Variants in SSX2IP observed in about 807,000 individuals in gnomAD.
SSX2IP encodes the protein SSX family member 2 interacting protein.
In SSX2IP, 55 loss-of-function variants were observed where a neutral mutation model predicts 84.9. The observed-to-expected ratio is 0.65, with a 90% CI of 0.52 to 0.81. SSX2IP has a LOEUF of 0.81. Among genes scored for constraint, SSX2IP ranks in the 30% least tolerant of loss-of-function variants. The probability of loss-of-function intolerance (pLI) is 0.00; values close to 1 mark genes in which losing one functional copy is unlikely to be tolerated. For synonymous variants in SSX2IP, 239 were observed against 234.7 expected, an observed-to-expected ratio of 1.02 and a Z score of -0.17; for missense variants, 664 against 705.2, an observed-to-expected ratio of 0.94 and a Z score of 0.66.
chr1:84,675,127 C>A (rs1324217732), intron 1 of SSX2IP, among the ~76,000 whole-genome samples: 1 of 152,060 alleles, frequency 6.6e-6, no homozygotes, highest in African/African-American at 2.4e-5. Context: ...CATCACAAGC[C>A]CATTTCAATT....
Position 84,655,028 on chromosome 1 carries a change from A to G in SSX2IP, c.1389+804T>C, listed in dbSNP as rs1007815779. Among the ~76,000 whole-genome samples the G allele has an allele frequency of 3.9e-5, 6 of 152,238 alleles. No individual in the cohort carries two copies. In the East Asian group the frequency reaches 1.2e-3, roughly 29 times the overall value. On this transcript the variant is annotated intron_variant, in intron 11 of 13. Coordinates refer to ENST00000342203, the MANE Select transcript of SSX2IP (RefSeq NM_001166293.2). Reference sequence around the variant, plus strand: ...TCCTTAAAGCAAAAAAAAGGCAAGCAGACGAACAAGAGGAACAATATTATG... The same window carrying G: ...TCCTTAAAGCAAAAAAAAGGCAAGCGGACGAACAAGAGGAACAATATTATG...
intron 1 of SSX2IP, among the ~76,000 whole-genome samples, chr1:84,688,880 GA>G (rs1410759639): frequency 4.6e-5 from 7 of 152,190 alleles, no homozygotes; most frequent in Non-Finnish European, 8.8e-5. Context: ...AGAAGGGAAG[GA>G]AGAGTACAAA....
intron 1 of SSX2IP, among the ~76,000 whole-genome samples, chr1:84,682,692 T>C (rs1020119127): frequency 2.6e-5 from 4 of 151,912 alleles, no homozygotes; most frequent in Non-Finnish European, 4.4e-5. Context: ...TTAGTAGAGA[T>C]GGGGTTTCAC....
intron 1 of SSX2IP, among the ~76,000 whole-genome samples, chr1:84,686,956 A>G (rs1187167284): frequency 6.6e-6 from 1 of 152,168 alleles, no homozygotes. Flanking sequence ...TAGAGGCTTT[A>G]TTAGACGCTC....
intron 1 of SSX2IP, among the ~76,000 whole-genome samples, chr1:84,688,657 A>G (rs1656135922): frequency 6.6e-6 from 1 of 152,200 alleles, no homozygotes; most frequent in Non-Finnish European, 1.5e-5. Context: ...TTTAGCAAAC[A>G]ATTTCAGCGT....
intron 8 of SSX2IP, among the ~76,000 whole-genome samples, chr1:84,659,014 A>T (rs574636578): frequency 5.9e-5 from 9 of 152,312 alleles, no homozygotes; most frequent in Admixed American, 1.3e-4. Flanking sequence ...AATCATAAAG[A>T]AGTAGCAAAC....
intron 3 of SSX2IP, 198 bp from the exon 4 acceptor site, chr1:84,670,091 T>C: frequency 2.0e-6 from 1 of 497,850 alleles, no homozygotes; most frequent in Non-Finnish European, 3.6e-6. Context: ...GATATAAGTA[T>C]GGGAGGTATG....
At chr1:84,665,307 A>T (rs1415831757) in intron 5 of SSX2IP, among the ~76,000 whole-genome samples, 4 of 152,190 alleles carry the variant, frequency 2.6e-5, no homozygotes, top group Non-Finnish European at 4.4e-5. Context: ...TACAGTTTAA[A>T]TACTAATTAC....
intron 4 of SSX2IP, 62 bp from the exon 5 acceptor site, chr1:84,666,294 T>C (rs1652767810): frequency 7.9e-7 from 1 of 1,272,950 alleles, no homozygotes; most frequent in East Asian, 2.3e-5. Flanking sequence ...ACTGAATCCT[T>C]AAAATATCAG....
In SSX2IP at chr1:84,644,144, GCAAA is replaced by G. The variant is rs1007853769; in HGVS notation, c.*3285_*3288del. 1 of 152,082 alleles carries G rather than the reference GCAAA, an allele frequency of 6.6e-6. No individual in the cohort carries two copies. The highest frequency in any genetic ancestry group is 1.5e-5 in the Non-Finnish European group (1 of 68,026). The allele number at this position is 152,082 out of a possible 1,614,324, so 9.4% of individuals were successfully genotyped here. A position where few individuals can be genotyped will look rare whatever the true frequency, so the allele number is the denominator to read the frequency against. On this transcript the variant is annotated 3_prime_UTR_variant, in exon 14 of 14. Transcript: ENST00000342203. The stretch of plus-strand genomic sequence containing the variant: ...TTTTGATTGTAGAAAACAAAATCTA[GCAAA>G]CAATCATCTGTTACATAGTACTTCA...
chr1:84,686,319 T>G (rs1655783206), intron 1 of SSX2IP, among the ~76,000 whole-genome samples: 1 of 152,164 alleles, frequency 6.6e-6, no homozygotes, highest in South Asian at 2.1e-4. Flanking sequence ...CTGAGGATAG[T>G]GAAGAACAGG....
chr1:84,651,247 C>T (rs547571434), intron 12 of SSX2IP, among the ~76,000 whole-genome samples: 82 of 151,734 alleles, frequency 5.4e-4, no homozygotes, highest in Non-Finnish European at 9.4e-4. Flanking sequence ...GAGCCCAGGA[C>T]GCTGAGGCTG....
At position 84,660,500 on chromosome 1, in the gene SSX2IP, T is replaced by A. The variant is rs552451345; in HGVS notation, c.927+1698A>T. ...AAGTGACAGAGTTTGAGATAAGAGGTTAACTACATATAAGAGGTCAAGCAG... is the reference window on the plus strand; with the variant it reads ...AAGTGACAGAGTTTGAGATAAGAGGATAACTACATATAAGAGGTCAAGCAG... On this transcript the variant is annotated intron_variant, in intron 8 of 13. Transcript: ENST00000342203. Among the ~76,000 whole-genome samples the A allele has an allele frequency of 2.0e-5, 3 of 152,202 alleles. No homozygotes were observed. The South Asian group carries it at 6.2e-4, about 32-fold the overall frequency.
At chr1:84,663,151 CT>C (rs1363501714) in intron 6 of SSX2IP, among the ~76,000 whole-genome samples, 2 of 152,088 alleles carry the variant, frequency 1.3e-5, no homozygotes, top group African/African-American at 4.8e-5. Flanking sequence ...GTCAAAGCCC[CT>C]GATAGTAGTA....
Position 84,655,825 on chromosome 1 carries a change from A to G in SSX2IP, c.1389+7T>C, listed in dbSNP as rs758236775. 2.0e-5 allele frequency: 32 copies of G among 1,612,048 alleles called. No individual in the cohort carries two copies. The highest frequency in any genetic ancestry group is 2.4e-5 in the Non-Finnish European group (28 of 1,179,128). On this transcript the variant is annotated splice_region_variant and intron_variant, in intron 11 of 13. Transcript: ENST00000342203. ...ATTTTCAAAAGCACTACAATTGTTT[A>G]AAATACCTCCAATCCCAGGCGAATA...
intron 5 of SSX2IP, among the ~76,000 whole-genome samples, chr1:84,665,019 G>GT (rs1172931774): frequency 6.6e-6 from 1 of 152,116 alleles, no homozygotes; most frequent in Non-Finnish European, 1.5e-5. Context: ...TCGAGTAAGA[G>GT]TAAGTCCAAA....
At chr1:84,681,472 G>C (rs976058152) in intron 1 of SSX2IP, among the ~76,000 whole-genome samples, 2 of 152,130 alleles carry the variant, frequency 1.3e-5, no homozygotes, top group African/African-American at 4.8e-5. Context: ...TATATATTTA[G>C]GGGAAAGTTC....
intron 1 of SSX2IP, among the ~76,000 whole-genome samples, chr1:84,678,411 G>A (rs932145486): frequency 6.6e-6 from 1 of 152,012 alleles, no homozygotes. Context: ...GTGCACAACC[G>A]CCATCCCCAT....
rs1372129251 is a variant in SSX2IP at position 84,647,051 on chromosome 1, A to G, written c.*382T>C. 6.4e-6 allele frequency: 1 copy of G among 156,424 alleles called. No individual in the cohort carries two copies. Among genetic ancestry groups the G allele is most frequent in the Non-Finnish European group, 1.4e-5 (1 of 70,720 alleles). 9.7% of individuals were successfully genotyped at this position (156,424 alleles called of 1,614,324 possible). ...GCTTTGTTAAAAATCTACAGTATAC[A>G]TTCAAGTAAAGGCTAAACTTCCAAT... is the stretch of plus-strand genomic sequence containing the variant. On this transcript the variant is annotated 3_prime_UTR_variant, in exon 14 of 14. Transcript: ENST00000342203.
Sources: gnomAD v4.1 joint callset for allele counts (sites outside exome capture counted in the v4.1 genomes callset) on GRCh38, gnomAD v4.1.1 for gene constraint, MANE v1.5 for transcripts, NCBI Gene and HGNC (gene_info 2026-07-23, HGNC 2026-07-21) for gene names.